Variants in POLA1 observed in about 807,000 individuals in gnomAD.
POLA1 encodes DNA polymerase alpha catalytic subunit.
A neutral mutation model predicts 124.0 loss-of-function variants in POLA1; 15 were observed. That is an observed-to-expected ratio of 0.12 (90% CI 0.08 to 0.19). POLA1 has a LOEUF of 0.19. POLA1 is among the 10% of genes least tolerant of loss of function. POLA1 has a pLI of 1.00. For missense variants in POLA1, 886 were observed against 1,103.4 expected (o/e 0.80, Z 2.79); for synonymous variants, 408 against 389.4 (o/e 1.05, Z -0.56).
chrX:24,964,767 C>G (rs764395251), intron 36 of POLA1, among the ~76,000 whole-genome samples: 2 of 112,151 alleles, frequency 1.8e-5, no homozygotes, highest in Non-Finnish European at 3.8e-5. Flanking sequence ...TTGTAGCTGT[C>G]CTCAGCCAAG....
chrX:24,948,254 G>C (rs1299178683), intron 36 of POLA1, among the ~76,000 whole-genome samples: 5 of 111,331 alleles, frequency 4.5e-5, no homozygotes, highest in Non-Finnish European at 9.4e-5. Flanking sequence ...TAACAGTTTA[G>C]CACATCTTTG....
At chrX:24,909,055 A>G (rs1475186107) in intron 35 of POLA1, among the ~76,000 whole-genome samples, 1 of 112,096 alleles carries the variant, frequency 8.9e-6, no homozygotes, top group Non-Finnish European at 1.9e-5. Context: ...GTCTGTTCAT[A>G]TCCTCCGCCC....
intron 34 of POLA1, among the ~76,000 whole-genome samples, chrX:24,883,830 G>A (rs2047032368): frequency 8.9e-6 from 1 of 111,790 alleles, no homozygotes; most frequent in African/African-American, 3.2e-5. Flanking sequence ...AGTGATTCTA[G>A]AGGTTTTTAT....
At chrX:24,799,036 C>T (rs1028741328) in intron 26 of POLA1, among the ~76,000 whole-genome samples, 5 of 111,772 alleles carry the variant, frequency 4.5e-5, no homozygotes, top group Non-Finnish European at 7.5e-5. Flanking sequence ...AAGAGGCCGT[C>T]TAGAAAGTGT....
intron 35 of POLA1, among the ~76,000 whole-genome samples, chrX:24,896,167 A>G (rs1331367426): frequency 8.9e-6 from 1 of 111,749 alleles, no homozygotes. Flanking sequence ...TTTGGTTGTC[A>G]TAACTGGGGG....
intron 15 of POLA1, 135 bp from the exon 16 acceptor site, chrX:24,732,235 A>G: frequency 2.2e-6 from 1 of 453,998 alleles, no homozygotes; most frequent in South Asian, 3.8e-5. Context: ...AATTACAGGC[A>G]TGAGCCACCA....
chrX:24,931,987 C>T (rs1332161544), intron 36 of POLA1, among the ~76,000 whole-genome samples: 1 of 112,062 alleles, frequency 8.9e-6, no homozygotes, highest in East Asian at 2.8e-4. Context: ...CAGCCTCCGC[C>T]TTCTGGGTTG....
At chrX:24,898,812 T>A (rs927456257) in intron 35 of POLA1, among the ~76,000 whole-genome samples, 2 of 112,064 alleles carry the variant, frequency 1.8e-5, no homozygotes, top group Non-Finnish European at 3.8e-5. Context: ...CCATTTTTTT[T>A]AAATCTGGAA....
chrX:24,696,682 A>T (rs192040679), intron 1 of POLA1, among the ~76,000 whole-genome samples: 1 of 111,460 alleles, frequency 9.0e-6, no homozygotes, highest in Non-Finnish European at 1.9e-5. Context: ...CGGATTTCAC[A>T]AACAGTTTCA....
chrX:24,721,758 G>A (rs961908643), intron 10 of POLA1, among the ~76,000 whole-genome samples: 1 of 112,106 alleles, frequency 8.9e-6, no homozygotes, highest in African/African-American at 3.2e-5. Context: ...TGTCAAATGA[G>A]GCATAAACAG....
intron 4 of POLA1, among the ~76,000 whole-genome samples, chrX:24,709,907 T>C (rs1929259608): frequency 1.4e-5 from 1 of 69,670 alleles, no homozygotes; most frequent in African/African-American, 5.7e-5. Context: ...CTTTCCAGAC[T>C]GGGCAGCCAG....
In POLA1 at chrX:24,918,670, A is replaced by G. The variant is rs183799457; in HGVS notation, c.4165-11783A>G. Among the ~76,000 whole-genome samples, 7 of 111,725 alleles carry G rather than the reference A, an allele frequency of 6.3e-5. No individual in the cohort carries two copies. In the East Asian group the frequency reaches 1.7e-3, roughly 27 times the overall value. On this transcript the variant is annotated intron_variant, in intron 35 of 36. Coordinates refer to ENST00000379068, the MANE Select transcript of POLA1 (RefSeq NM_001330360.2). ...AATACCTGAGTCTGGGTGATTTATT[A>G]AAAAAAGAGGTTTATTTGACTTGTG... is the stretch of plus-strand genomic sequence containing the variant.
chrX:24,763,746 G>A (rs1378710815), intron 26 of POLA1, among the ~76,000 whole-genome samples: 1 of 111,867 alleles, frequency 8.9e-6, no homozygotes, highest in Non-Finnish European at 1.9e-5. Flanking sequence ...AGACACTGAT[G>A]ATAGTTTTGA....
At chrX:24,734,073 A>G (rs1931112267) in intron 17 of POLA1, 3 of 206,371 alleles carry the variant, frequency 1.5e-5, no homozygotes, top group South Asian at 2.8e-4. Context: ...CCCCCCTCCA[A>G]TAGCTTAATT....
chrX:24,989,982 G>A (rs1443282422), intron 36 of POLA1, among the ~76,000 whole-genome samples: 2 of 111,690 alleles, frequency 1.8e-5, no homozygotes, highest in Non-Finnish European at 3.8e-5. Flanking sequence ...CAGTTAAGGC[G>A]TACAATACTC....
chrX:24,928,215 G>C (rs2047723003), intron 35 of POLA1, among the ~76,000 whole-genome samples: 1 of 111,500 alleles, frequency 9.0e-6, no homozygotes, highest in Non-Finnish European at 1.9e-5. Context: ...TTTAGGCAGT[G>C]ACTTTCAATT....
At chrX:24,787,740 T>C (rs1475887611) in intron 26 of POLA1, among the ~76,000 whole-genome samples, 1 of 112,214 alleles carries the variant, frequency 8.9e-6, no homozygotes, top group East Asian at 2.8e-4. Flanking sequence ...GTTTTTTCTA[T>C]TTCTGTGAAA....
chrX:24,752,112 A>G (rs1350611264), intron 26 of POLA1, among the ~76,000 whole-genome samples: 2 of 112,068 alleles, frequency 1.8e-5, no homozygotes, highest in Non-Finnish European at 3.8e-5. Context: ...GTGTTTGCTC[A>G]GTTTTCCTGG....
At chrX:24,969,639 A>AT (rs779669203) in intron 36 of POLA1, among the ~76,000 whole-genome samples, 9 of 108,099 alleles carry the variant, frequency 8.3e-5, no homozygotes, top group South Asian at 8.0e-4. Context: ...CAAAATATGC[A>AT]TTTTTTTTTT....
Sources: gnomAD v4.1 joint callset for allele counts (sites outside exome capture counted in the v4.1 genomes callset) on GRCh38, gnomAD v4.1.1 for gene constraint, MANE v1.5 for transcripts, NCBI Gene and HGNC (gene_info 2026-07-23, HGNC 2026-07-21) for gene names.